Variants in SMOC1 observed in about 807,000 individuals in gnomAD.
The protein encoded by SMOC1 is SPARC-related modular calcium-binding protein 1.
Under a neutral mutation model 56.3 loss-of-function variants are expected in SMOC1, and 22 were observed. The ratio of observed to expected loss-of-function variants is 0.39; its 90% CI spans 0.28 to 0.56. The LOEUF is 0.56. Ranked by LOEUF, SMOC1 falls within the 20% of genes least tolerant of loss-of-function variation. The pLI is 0.61. For missense variants in SMOC1, 509 were observed against 565.4 expected (o/e 0.90, Z 1.01); for synonymous variants, 193 against 215.0 (o/e 0.90, Z 0.89).
chr14:69,887,505 T>C (rs1252907753), intron 1 of SMOC1, among the ~76,000 whole-genome samples: 1 of 152,214 alleles, frequency 6.6e-6, no homozygotes, highest in Non-Finnish European at 1.5e-5. Flanking sequence ...AAACCAATGC[T>C]GAGTGTATCA....
chr14:69,960,048 C>T (rs1440630502), intron 3 of SMOC1, among the ~76,000 whole-genome samples: 1 of 152,156 alleles, frequency 6.6e-6, no homozygotes, highest in African/African-American at 2.4e-5. Context: ...GGTTTACCGT[C>T]TGGTTTTTCT....
chr14:70,023,370 C>G lies in SMOC1; in HGVS notation c.1214C>G (p.Thr405Ser), dbSNP rs748208176. 5 of 1,614,150 alleles carry G rather than the reference C, an allele frequency of 3.1e-6. No individual in the cohort carries two copies. The highest frequency in any genetic ancestry group is 4.2e-6 in the Non-Finnish European group (5 of 1,180,024). ...CCCAAGAAATGTGCCCGGCGTTTCA[C>G]CGACTACTGTGACCTGAACAAAGAC... ...AKPKKCARRFTDYCDLNKDKV... is the reference protein window; with the variant it reads ...AKPKKCARRFSDYCDLNKDKV... The change falls in exon 11 of 12, where the codon ACC becomes AGC. Residue 405 changes from threonine to serine, a missense_variant. Coordinates refer to ENST00000361956, the MANE Select transcript of SMOC1 (RefSeq NM_001034852.3).
intron 1 of SMOC1, among the ~76,000 whole-genome samples, chr14:69,923,334 T>A (rs921387616): frequency 7.2e-5 from 11 of 152,194 alleles, no homozygotes; most frequent in Admixed American, 1.3e-4. Context: ...CAAAATTTTT[T>A]AAATTATTTA....
intron 1 of SMOC1, among the ~76,000 whole-genome samples, chr14:69,909,500 A>G (rs1270630871): frequency 3.9e-5 from 6 of 152,154 alleles, no homozygotes; most frequent in Admixed American, 2.0e-4. Context: ...GGTGGTGGAA[A>G]GTTTGGCATG....
At chr14:69,893,170 T>A (rs1884010497) in intron 1 of SMOC1, among the ~76,000 whole-genome samples, 1 of 152,206 alleles carries the variant, frequency 6.6e-6, no homozygotes. Flanking sequence ...GTAGGTTTGA[T>A]ATATATATTT....
chr14:69,902,622 C>T (rs773077098), intron 1 of SMOC1, among the ~76,000 whole-genome samples: 7 of 152,126 alleles, frequency 4.6e-5, no homozygotes, highest in Admixed American at 3.9e-4. Context: ...CCTCTCCCCA[C>T]GGTCTCCCTC....
chr14:69,918,654 T>C (rs149939640), intron 1 of SMOC1, among the ~76,000 whole-genome samples: 1 of 152,212 alleles, frequency 6.6e-6, no homozygotes, highest in South Asian at 2.1e-4. Context: ...TTTCTTCATC[T>C]TTGAAATCTG....
At chr14:70,010,618 A>G in intron 7 of SMOC1, 136 bp from the exon 8 acceptor site, 1 of 896,882 alleles carries the variant, frequency 1.1e-6, no homozygotes, top group Non-Finnish European at 1.8e-6. Context: ...CTCTGTGGTA[A>G]TTCATCAATG....
At chr14:70,026,279 G>A (rs1023605134) in intron 11 of SMOC1, among the ~76,000 whole-genome samples, 3 of 152,316 alleles carry the variant, frequency 2.0e-5, no homozygotes, top group Non-Finnish European at 1.5e-5. Flanking sequence ...TGGGCTAAGC[G>A]ATGATGCTCT....
At chr14:70,018,268 G>A (rs765184537) in intron 10 of SMOC1, among the ~76,000 whole-genome samples, 5 of 152,146 alleles carry the variant, frequency 3.3e-5, no homozygotes, top group South Asian at 2.1e-4. Context: ...GGCATGGACC[G>A]TGGGAAAGGG....
rs147151533 is a variant in SMOC1 at position 69,959,836 on chromosome 14, T to C, written c.378+6304T>C. Among the ~76,000 whole-genome samples, 619 of 152,320 alleles carry C rather than the reference T, an allele frequency of 4.1e-3. 5 individuals are homozygous for C. The highest frequency in any genetic ancestry group is 0.014 in the African/African-American group (586 of 41,560). ...TTTTTGACAAAGGCATTGGGCTCTA[T>C]TGTCATTTCCATAGTTCTTACTATT... On this transcript the variant is annotated intron_variant, in intron 3 of 11. Transcript: ENST00000361956.
At chr14:69,939,722 T>C (rs1882475704) in intron 1 of SMOC1, among the ~76,000 whole-genome samples, 1 of 152,206 alleles carries the variant, frequency 6.6e-6, no homozygotes, top group Admixed American at 6.5e-5. Context: ...CACATTCACA[T>C]TTACTCCTAA....
rs1886168808 is a variant in SMOC1, at chr14:70,031,988, A to G, written c.*1730A>G. Reference sequence around the variant, plus strand: ...CACAACCTTCTCGGGACAGGATCTGATGGGGTCTTGGGCTAAAGGAGGTCC... The same window carrying G: ...CACAACCTTCTCGGGACAGGATCTGGTGGGGTCTTGGGCTAAAGGAGGTCC... On this transcript the variant is annotated 3_prime_UTR_variant, in exon 12 of 12. Coordinates refer to ENST00000361956, the MANE Select transcript of SMOC1 (RefSeq NM_001034852.3). 1 of 152,330 alleles carries G rather than the reference A, an allele frequency of 6.6e-6. No individual in the cohort carries two copies. The highest frequency in any genetic ancestry group is 2.1e-4 in the South Asian group (1 of 4,828). 9.4% of individuals were successfully genotyped at this position (152,330 alleles called of 1,614,324 possible).
intron 1 of SMOC1, among the ~76,000 whole-genome samples, chr14:69,898,996 C>A (rs868741583): frequency 5.9e-4 from 90 of 152,088 alleles, no homozygotes; most frequent in Admixed American, 1.4e-3. Context: ...TTTGGTGAGC[C>A]TGTGCCCTTG....
At chr14:70,026,259 G>A (rs888104317) in intron 11 of SMOC1, among the ~76,000 whole-genome samples, 2 of 152,188 alleles carry the variant, frequency 1.3e-5, no homozygotes, top group African/African-American at 2.4e-5. Context: ...AGGCATACCA[G>A]GGGCACTCCT....
At position 69,975,645 on chromosome 14, in the gene SMOC1, G is replaced by C. The variant is rs913667634; in HGVS notation, c.379-70G>C. The C allele has an allele frequency of 6.8e-5, 73 of 1,076,056 alleles. 2 individuals are homozygous for C. In the South Asian group the frequency reaches 8.8e-4, roughly 13 times the overall value. 66.7% of individuals were successfully genotyped at this position (1,076,056 alleles called of 1,614,324 possible). A position where few individuals can be genotyped will look rare whatever the true frequency, so the allele number is the denominator to read the frequency against. On this transcript the variant is annotated intron_variant, in intron 3 of 11. Transcript: ENST00000361956. ...CACCGTATGGGTGATGCTTTGAAAGGGGTTGGAGATGAGTCTTGATATTGT... is the reference window on the plus strand; with the variant it reads ...CACCGTATGGGTGATGCTTTGAAAGCGGTTGGAGATGAGTCTTGATATTGT...
chr14:69,941,956 G>A (rs1257815765), intron 1 of SMOC1, among the ~76,000 whole-genome samples: 1 of 152,148 alleles, frequency 6.6e-6, no homozygotes, highest in Admixed American at 6.5e-5. Flanking sequence ...GCTCTGTCCA[G>A]CACTCAGCAG....
chr14:69,946,264 C>T (rs1882781122), intron 1 of SMOC1, among the ~76,000 whole-genome samples: 1 of 152,188 alleles, frequency 6.6e-6, no homozygotes, highest in Non-Finnish European at 1.5e-5. Context: ...CTGATCTCCT[C>T]CATGGCAAAG....
At chr14:70,029,350 G>A (rs974687522) in intron 11 of SMOC1, among the ~76,000 whole-genome samples, 1 of 152,162 alleles carries the variant, frequency 6.6e-6, no homozygotes, top group African/African-American at 2.4e-5. Context: ...GTGACTCGGG[G>A]AACCAAGACC....
Sources: allele counts gnomAD v4.1 joint callset (sites outside exome capture counted in the v4.1 genomes callset), GRCh38; gene constraint gnomAD v4.1.1; transcripts MANE v1.5; gene names NCBI Gene and HGNC (gene_info 2026-07-23, HGNC 2026-07-21).